The following NIF3L1 variants were observed in gnomAD, a reference collection of about 807,000 sequenced individuals.
The protein encoded by NIF3L1 is NIF3-like protein 1.
A neutral mutation model predicts 35.0 loss-of-function variants in NIF3L1; 26 were observed. The ratio of observed to expected loss-of-function variants is 0.74; its 90% CI spans 0.54 to 1.03. NIF3L1 has a LOEUF of 1.03. Among genes scored for constraint, NIF3L1 ranks in the 50% least tolerant of loss-of-function variants. The pLI, the probability that NIF3L1 is intolerant of heterozygous loss-of-function variation, is 0.00. For synonymous variants in NIF3L1, 157 were observed against 178.9 expected, an observed-to-expected ratio of 0.88 and a Z score of 0.98; for missense variants, 449 against 466.3, an observed-to-expected ratio of 0.96 and a Z score of 0.34.
intron 4 of NIF3L1, among the ~76,000 whole-genome samples, chr2:200,896,610 G>A (rs1239291325): frequency 6.6e-6 from 1 of 152,094 alleles, no homozygotes; most frequent in African/African-American, 2.4e-5. Flanking sequence ...TTGAGACAGG[G>A]TCTGGCTCTG....
At chr2:200,896,838 C>T (rs1219354931) in intron 4 of NIF3L1, among the ~76,000 whole-genome samples, 3 of 152,190 alleles carry the variant, frequency 2.0e-5, no homozygotes, top group African/African-American at 7.2e-5. Context: ...CCCACCACAG[C>T]CTCCCAAAGT....
chr2:200,903,564 C>T lies in NIF3L1; in HGVS notation c.1020C>T (p.Ser340=). The T allele has an allele frequency of 1.2e-6, 2 of 1,613,936 alleles. No homozygotes were observed. Among genetic ancestry groups the T allele is most frequent in the Non-Finnish European group, 1.7e-6 (2 of 1,179,808 alleles). Residue 340 remains serine, a synonymous_variant, in exon 7 of 7, where the codon AGC becomes AGT. Coordinates refer to ENST00000409020, the MANE Select transcript of NIF3L1 (RefSeq NM_001369441.2). ...QGINVILCEH[S]NTERGFLSDL... ...TAAATGTCATCCTCTGTGAACACAGCAACACTGAACGAGGCTTTCTTTCTG... is the reference window on the plus strand; with the variant it reads ...TAAATGTCATCCTCTGTGAACACAGTAACACTGAACGAGGCTTTCTTTCTG...
At chr2:200,896,247 C>T (rs1221026821) in intron 4 of NIF3L1, among the ~76,000 whole-genome samples, 3 of 152,120 alleles carry the variant, frequency 2.0e-5, no homozygotes, top group Non-Finnish European at 4.4e-5. Context: ...CCTCCAGCCT[C>T]CTCTCCTTCC....
At chr2:200,903,364 A>G in intron 6 of NIF3L1, 130 bp from the exon 7 acceptor site, 1 of 725,086 alleles carries the variant, frequency 1.4e-6, no homozygotes, top group Admixed American at 2.5e-5. Flanking sequence ...CTAGATTTAT[A>G]TGTAAAACAG....
rs752825552 is a variant in NIF3L1 at position 200,903,765 on chromosome 2, TC to T, written c.*89del. On this transcript the variant is annotated 3_prime_UTR_variant, in exon 7 of 7. Coordinates refer to ENST00000409020, the MANE Select transcript of NIF3L1 (RefSeq NM_001369441.2). ...CATGAGTCAGTGGGACTGGTGTGCT[TC>T]CAGAGAGTGTCTTCGAGGGTATCAT... The T allele has an allele frequency of 5.8e-6, 6 of 1,039,638 alleles. No homozygotes were observed. The African/African-American group carries it at 9.5e-5, about 16-fold the overall frequency. 64.4% of individuals were successfully genotyped at this position (1,039,638 alleles called of 1,614,324 possible).
rs765181231 is a variant in NIF3L1, at chr2:200,897,085, C to T, written c.736C>T (p.Leu246=). 1.9e-6 allele frequency: 3 copies of T among 1,613,906 alleles called. No homozygotes were observed. In the South Asian group the frequency reaches 3.3e-5, roughly 18 times the overall value. The change falls in exon 5 of 7, where the codon CTA becomes TTA. Residue 246 remains leucine, a synonymous_variant. Transcript: ENST00000409020. The part of the protein sequence containing the change: ...EILSLEKPLL[L]HTGMGRLCTL... ...TTCTGTTTCTCCTCAGCCTTTGCTT[C>T]TACATACTGGAATGGGACGGTTATG...
intron 1 of NIF3L1, 102 bp downstream of exon 1, chr2:200,889,754 C>CTCTAGGACGGGA (rs2040128774): frequency 6.6e-6 from 1 of 152,370 alleles, no homozygotes; most frequent in African/African-American, 2.4e-5. Flanking sequence ...TCCAGCTTTA[C>CTCTAGGACGGGA]GTGTAAATCT....
At position 200,895,254 on chromosome 2, in the gene NIF3L1, T is replaced by TC. The variant is rs752911678; in HGVS notation, c.600-4dup. ...TATTTGTCCTAAATGGAGTGATTTT[T>TC]CCCCCCTAGGACTGGTAATGAGGAA... On this transcript the variant is annotated splice_polypyrimidine_tract_variant and intron_variant, in intron 3 of 6. Transcript: ENST00000409020. 1.9e-6 allele frequency: 3 copies of TC among 1,610,952 alleles called. 1 individual carries two copies. The Admixed American group carries it at 5.0e-5, about 27-fold the overall frequency.
At chr2:200,895,138 G>A in intron 3 of NIF3L1, 126 bp from the exon 4 acceptor site, 1 of 865,000 alleles carries the variant, frequency 1.2e-6, no homozygotes, top group African/African-American at 1.7e-5. Flanking sequence ...AGATTAAATG[G>A]GTTCTGTTGG....
intron 4 of NIF3L1, among the ~76,000 whole-genome samples, chr2:200,895,694 G>A (rs754428998): frequency 3.9e-5 from 6 of 152,212 alleles, no homozygotes; most frequent in Non-Finnish European, 7.3e-5. Context: ...AGACATTCCA[G>A]GAACAGGAAA....
At chr2:200,898,252 T>G (rs562988098) in intron 5 of NIF3L1, among the ~76,000 whole-genome samples, 2 of 152,214 alleles carry the variant, frequency 1.3e-5, no homozygotes, top group African/African-American at 4.8e-5. Flanking sequence ...AGAGGTTTAA[T>G]TGACTCACAG....
At chr2:200,903,016 A>G (rs2040433355) in intron 6 of NIF3L1, among the ~76,000 whole-genome samples, 1 of 151,946 alleles carries the variant, frequency 6.6e-6, no homozygotes, top group African/African-American at 2.4e-5. Flanking sequence ...TTATTTTTAT[A>G]TTTTCAAGAT....
intron 6 of NIF3L1, among the ~76,000 whole-genome samples, chr2:200,902,067 A>AT (rs894355571): frequency 6.6e-6 from 1 of 152,110 alleles, no homozygotes; most frequent in African/African-American, 2.4e-5. Context: ...AAGAAAACTC[A>AT]TTTTTTTACT....
intron 4 of NIF3L1, among the ~76,000 whole-genome samples, chr2:200,896,238 C>T (rs544759703): frequency 1.3e-5 from 2 of 152,244 alleles, no homozygotes; most frequent in East Asian, 3.9e-4. Flanking sequence ...CAGCCTGGGC[C>T]TCCAGCCTCC....
At chr2:200,895,145 T>C in intron 3 of NIF3L1, 119 bp from the exon 4 acceptor site, 5 of 959,972 alleles carry the variant, frequency 5.2e-6, no homozygotes, top group Non-Finnish European at 4.8e-6. Flanking sequence ...ATGGGTTCTG[T>C]TGGTTAAATC....
At position 200,892,047 on chromosome 2, in the gene NIF3L1, C is replaced by T. The variant is rs1298007555; in HGVS notation, c.104C>T (p.Ser35Phe). 6.2e-7 allele frequency: 1 copy of T among 1,614,184 alleles called. No homozygotes were observed. Among genetic ancestry groups the T allele is most frequent in the South Asian group, 1.1e-5 (1 of 91,082 alleles). The change falls in exon 2 of 7, where the codon TCT (serine) becomes TTT (phenylalanine). Residue 35 changes from serine (S) to phenylalanine (F), a missense_variant. Physicochemically the swap from Ser to Phe is radical, Grantham distance 155 (BLOSUM62 -2). Coordinates refer to ENST00000409020, the MANE Select transcript of NIF3L1 (RefSeq NM_001369441.2). ...TTCATGGATTTGAAGGCTCTCCTTT[C>T]TTCCTTGAATGACTTTGCATCCCTC... ...RSFMDLKALLSSLNDFASLSF... is the reference protein window; with the variant it reads ...RSFMDLKALLFSLNDFASLSF...
intron 6 of NIF3L1, among the ~76,000 whole-genome samples, chr2:200,900,135 T>C (rs2040388333): frequency 6.6e-6 from 1 of 152,204 alleles, no homozygotes; most frequent in African/African-American, 2.4e-5. Flanking sequence ...TCTGACACTG[T>C]CCTGCTCCTG....
rs760648773 is a variant in NIF3L1 at position 200,892,141 on chromosome 2, A to G, written c.198A>G (p.Thr66=). ...CAAGCCCACCACATACTGTAAATAC[A>G]CTCTTCCTGACCAATGACCTGACTG... ...VEPSPPHTVN[T]LFLTNDLTEE... is the part of the protein sequence containing the mutation. The change falls in exon 2 of 7, where the codon ACA becomes ACG. Residue 66 remains threonine, a synonymous_variant. Transcript: ENST00000409020. The G allele has an allele frequency of 7.4e-6, 12 of 1,614,054 alleles. No individual in the cohort carries two copies. The highest frequency in any genetic ancestry group is 1.1e-5 in the South Asian group (1 of 91,078).
intron 2 of NIF3L1, 64 bp from the exon 3 acceptor site, chr2:200,893,182 T>G: frequency 7.5e-7 from 1 of 1,334,698 alleles, no homozygotes; most frequent in Non-Finnish European, 1.0e-6. Flanking sequence ...CCTATAATAG[T>G]TTACTTTTAA....
Sources: gnomAD v4.1 joint callset for allele counts (sites outside exome capture counted in the v4.1 genomes callset) on GRCh38, gnomAD v4.1.1 for gene constraint, MANE v1.5 for transcripts, NCBI Gene and HGNC (gene_info 2026-07-23, HGNC 2026-07-21) for gene names.